Variants in AMT observed in about 807,000 individuals in gnomAD.
AMT encodes aminomethyltransferase, mitochondrial.
In AMT, 24 loss-of-function variants were observed where a neutral mutation model predicts 39.5. The ratio of observed to expected loss-of-function variants is 0.61; its 90% CI spans 0.44 to 0.86. The LOEUF is 0.86. Ranked by LOEUF, AMT falls within the 40% of genes least tolerant of loss-of-function variation. AMT has a pLI of 0.00. For missense variants in AMT, 501 were observed against 537.0 expected (o/e 0.93, Z 0.66); for synonymous variants, 210 against 212.1 (o/e 0.99, Z 0.09).
chr3:49,420,035 C>T (rs1300935506), intron 4 of AMT, 176 bp downstream of exon 4: 1 of 924,008 alleles, frequency 1.1e-6, no homozygotes, highest in Non-Finnish European at 1.7e-6. Context: ...TGGTAATCCC[C>T]CACCACCAAA....
rs116192290 is a variant in AMT at position 49,419,325 on chromosome 3, C to G, written c.631G>C (p.Glu211Gln). The G allele has an allele frequency of 1.9e-6, 3 of 1,614,230 alleles. No homozygotes were observed. The highest frequency in any genetic ancestry group is 1.1e-5 in the South Asian group (1 of 91,088). The change falls in exon 6 of 9, where the codon GAG becomes CAG. Residue 211 changes from glutamate (E) to glutamine (Q), a missense_variant. Glu to Gln is a conservative substitution (Grantham distance 29, BLOSUM62 2). Transcript: ENST00000273588. ...KLPFMTSAVMEVFGVSGCRVT... is the reference protein window; with the variant it reads ...KLPFMTSAVMQVFGVSGCRVT... ...CGGCAGCCAGACACGCCAAACACCT[C>G]CATCACAGCACTGGTCATGAAGGGC...
intron 4 of AMT, 54 bp downstream of exon 4, chr3:49,420,157 A>C: frequency 1.2e-6 from 2 of 1,611,758 alleles, no homozygotes; most frequent in Non-Finnish European, 1.7e-6. Context: ...GACAACAAGG[A>C]TACTGCTCTA....
rs181674755 is a variant in AMT at position 49,420,034 on chromosome 3, C to T, written c.471+177G>A. 8.7e-6 allele frequency: 8 copies of T among 921,114 alleles called. No homozygotes were observed. The East Asian group carries it at 1.6e-4, about 18-fold the overall frequency. 57.1% of individuals were successfully genotyped at this position (921,114 alleles called of 1,614,324 possible). The stretch of plus-strand genomic sequence containing the variant: ...ACCCCCTCCCCATGCCTGGTAATCC[C>T]CCACCACCAAACCCTGGCGTGCTCC... On this transcript the variant is annotated intron_variant, in intron 4 of 8. Transcript: ENST00000273588.
chr3:49,419,650 A>G (rs1437656684), intron 5 of AMT, 60 bp downstream of exon 5: 1 of 1,543,040 alleles, frequency 6.5e-7, no homozygotes, highest in Non-Finnish European at 9.0e-7. Flanking sequence ...CCTCTGTGCT[A>G]AGCAGTCAAT....
At chr3:49,419,540 A>C (rs766893584) in intron 5 of AMT, 135 bp from the exon 6 acceptor site, 1 of 1,482,246 alleles carries the variant, frequency 6.7e-7, no homozygotes, top group African/African-American at 1.4e-5. Flanking sequence ...CCTTGTCCCT[A>C]GCCCATGGAG....
At chr3:49,420,168 T>G (rs1225704985) in intron 4 of AMT, 43 bp downstream of exon 4, 4 of 1,613,654 alleles carry the variant, frequency 2.5e-6, no homozygotes, top group Non-Finnish European at 3.4e-6. Context: ...TACTGCTCTA[T>G]GAACAAGGAA....
At chr3:49,418,015 G>A in intron 7 of AMT, 42 bp from the exon 8 acceptor site, 1 of 1,573,254 alleles carries the variant, frequency 6.4e-7, no homozygotes, top group Non-Finnish European at 8.6e-7. Flanking sequence ...GCCCATAGAA[G>A]CCCTGGCCAC....
chr3:49,417,482 G>T lies in AMT; in HGVS notation c.*58C>A. 6.2e-7 allele frequency: 1 copy of T among 1,614,032 alleles called. No individual in the cohort carries two copies. Among genetic ancestry groups the T allele is most frequent in the South Asian group, 1.1e-5 (1 of 91,050 alleles). ...CCAGTGAGTTCTGCCTCAGCTTCTT[G>T]ACTAACCCCTTGTAGGGGCAAAACT... On this transcript the variant is annotated 3_prime_UTR_variant, in exon 9 of 9. Transcript: ENST00000273588.
rs369659338 is a variant in AMT at position 49,419,188 on chromosome 3, T to G, written c.697-37A>C. On this transcript the variant is annotated intron_variant, in intron 6 of 8. Transcript: ENST00000273588. ...ACCAGAGGGCAGATGGGAAGCTCCC[T>G]GTACCACATACCCCCAACCCCTCAC... is the stretch of plus-strand genomic sequence containing the variant. The G allele has an allele frequency of 4.3e-6, 7 of 1,611,832 alleles. No individual in the cohort carries two copies. The Admixed American group carries it at 5.0e-5, about 12-fold the overall frequency.
At position 49,418,126 on chromosome 3, in the gene AMT, C is replaced by G. The variant is rs914953345; in HGVS notation, c.878-153G>C. 2.5e-5 allele frequency: 23 copies of G among 917,558 alleles called. No homozygotes were observed. In the African/African-American group the frequency reaches 3.8e-4, roughly 15 times the overall value. 56.8% of individuals were successfully genotyped at this position (917,558 alleles called of 1,614,324 possible). ...TATTCCTCCCTTCACTGCCGTCAGC[C>G]AACCAACCACCTCCTATCCCCTGGA... On this transcript the variant is annotated intron_variant, in intron 7 of 8. Transcript: ENST00000273588.
chr3:49,422,379 A>C lies in AMT; in HGVS notation c.72T>G (p.Arg24=), dbSNP rs755011710. 2 of 1,607,254 alleles carry C rather than the reference A, an allele frequency of 1.2e-6. No homozygotes were observed. Among genetic ancestry groups the C allele is most frequent in the South Asian group, 2.2e-5 (2 of 90,874 alleles). The stretch of plus-strand genomic sequence containing the variant: ...ATCCCACCTGTGCGCAACTAAGTGG[A>C]CGACACAAGGCCGGGGGGAATGCCT... ...RLQAFPPALC[R]PLSCAQEVLR... The change falls in exon 1 of 9, where the codon CGT becomes CGG. Residue 24 remains arginine (R), a synonymous_variant. Transcript: ENST00000273588.
Position 49,420,416 on chromosome 3 carries a change from G to A in AMT, c.340-74C>T. ...CCAAGGGTGAGCCAGACACAACCCT[G>A]GACCCACTTAGTTACCAAAAGGTTA... On this transcript the variant is annotated intron_variant, in intron 3 of 8. Coordinates refer to ENST00000273588, the MANE Select transcript of AMT (RefSeq NM_000481.4). 5 of 1,609,528 alleles carry A rather than the reference G, an allele frequency of 3.1e-6. No individual in the cohort carries two copies. The South Asian group carries it at 4.4e-5, about 14-fold the overall frequency.
chr3:49,419,706 T>A lies in AMT; in HGVS notation c.550+4A>T. The stretch of plus-strand genomic sequence containing the variant: ...TGGCTCCAACCCCAGCCCAGCCCTC[T>A]CACCTTGCAGAGCTAGCAGGGCATT... On this transcript the variant is annotated splice_donor_region_variant and intron_variant, in intron 5 of 8. Transcript: ENST00000273588. 6.2e-7 allele frequency: 1 copy of A among 1,614,102 alleles called. No homozygotes were observed. The highest frequency in any genetic ancestry group is 8.5e-7 in the Non-Finnish European group (1 of 1,179,958).
Position 49,417,489 on chromosome 3 carries a change from C to G in AMT, c.*51G>C, listed in dbSNP as rs763649621. 2 of 1,614,090 alleles carry G rather than the reference C, an allele frequency of 1.2e-6. No homozygotes were observed. The highest frequency in any genetic ancestry group is 2.2e-5 in the South Asian group (2 of 91,078). ...GTTCTGCCTCAGCTTCTTGACTAACCCCTTGTAGGGGCAAAACTCCTGGAA... is the reference window on the plus strand; with the variant it reads ...GTTCTGCCTCAGCTTCTTGACTAACGCCTTGTAGGGGCAAAACTCCTGGAA... On this transcript the variant is annotated 3_prime_UTR_variant, in exon 9 of 9. Coordinates refer to ENST00000273588, the MANE Select transcript of AMT (RefSeq NM_000481.4).
At chr3:49,420,096 T>G (rs1288021211) in intron 4 of AMT, 115 bp downstream of exon 4, 36 of 1,374,002 alleles carry the variant, frequency 2.6e-5, no homozygotes, top group Middle Eastern at 1.8e-4. Context: ...AGCTGTTCAT[T>G]CACTGAAAGA....
Position 49,422,376 on chromosome 3 carries a change from T to C in AMT, c.75A>G (p.Pro25=). The change falls in exon 1 of 9, where the codon CCA becomes CCG. Residue 25 remains proline, a synonymous_variant. Coordinates refer to ENST00000273588, the MANE Select transcript of AMT (RefSeq NM_000481.4). Reference sequence around the variant, plus strand: ...TCTATCCCACCTGTGCGCAACTAAGTGGACGACACAAGGCCGGGGGGAATG... The same window carrying C: ...TCTATCCCACCTGTGCGCAACTAAGCGGACGACACAAGGCCGGGGGGAATG... The part of the protein sequence containing the change: ...LQAFPPALCR[P]LSCAQEVLRR... 2 of 1,612,046 alleles carry C rather than the reference T, an allele frequency of 1.2e-6. No individual in the cohort carries two copies. Among genetic ancestry groups the C allele is most frequent in the African/African-American group, 2.7e-5 (2 of 74,208 alleles).
chr3:49,419,183 C>T (rs757638759), intron 6 of AMT, 32 bp from the exon 7 acceptor site: 3 of 1,613,708 alleles, frequency 1.9e-6, no homozygotes, highest in South Asian at 2.2e-5. Context: ...AGATGGGAAG[C>T]TCCCTGTACC....
rs774066970 is a variant in AMT, at chr3:49,422,239, G to A, written c.123C>T (p.Phe41=). Residue 41 remains phenylalanine, a synonymous_variant, in exon 2 of 9, where the codon TTC becomes TTT. Coordinates refer to ENST00000273588, the MANE Select transcript of AMT (RefSeq NM_000481.4). ...EVLRRTPLYD[F]HLAHGGKMVA... is the part of the protein sequence containing the mutation. ...CCATTTTCCCGCCGTGGGCCAGGTGGAAGTCATAGAGCGGTGTCCTGCGGA... is the reference window on the plus strand; with the variant it reads ...CCATTTTCCCGCCGTGGGCCAGGTGAAAGTCATAGAGCGGTGTCCTGCGGA... 46 of 1,613,968 alleles carry A rather than the reference G, an allele frequency of 2.9e-5. No individual in the cohort carries two copies. Among genetic ancestry groups the A allele is most frequent in the Non-Finnish European group, 3.6e-5 (43 of 1,180,014 alleles).
At position 49,417,147 on chromosome 3, in the gene AMT, T is replaced by C; in HGVS notation, c.*393A>G. 1.1e-6 allele frequency: 1 copy of C among 932,988 alleles called. No homozygotes were observed. Among genetic ancestry groups the C allele is most frequent in the South Asian group, 1.4e-5 (1 of 71,802 alleles). The allele number at this position is 932,988 out of a possible 1,614,324, so 57.8% of individuals were successfully genotyped here. On this transcript the variant is annotated 3_prime_UTR_variant, in exon 9 of 9. Coordinates refer to ENST00000273588, the MANE Select transcript of AMT (RefSeq NM_000481.4). ...CCGCACTGCCCATGTTATTACCCTT[T>C]GCAATGTGAAAAACCATGGTGAGGT... is the stretch of plus-strand genomic sequence containing the variant.
Sources: gnomAD v4.1 joint callset for allele counts on GRCh38, gnomAD v4.1.1 for gene constraint, MANE v1.5 for transcripts, NCBI Gene and HGNC (gene_info 2026-07-23, HGNC 2026-07-21) for gene names.